The following NOX3 variants were observed in gnomAD, a reference collection of about 807,000 sequenced individuals.
NOX3 encodes NADPH oxidase catalytic subunit-like 3.
In NOX3, 74 loss-of-function variants were observed where a neutral mutation model predicts 76.7. The observed-to-expected ratio is 0.96, with a 90% CI of 0.80 to 1.17. NOX3 has a LOEUF of 1.17. NOX3 is among the 50% of genes most tolerant of loss of function. NOX3 has a pLI of 0.00. For synonymous variants in NOX3, 263 were observed against 261.1 expected (o/e 1.01, Z -0.07); for missense variants, 695 against 703.3 (o/e 0.99, Z 0.13).
chr6:155,425,362 C>A (rs950036119), intron 9 of NOX3, among the ~76,000 whole-genome samples: 1 of 152,104 alleles, frequency 6.6e-6, no homozygotes, highest in African/African-American at 2.4e-5. Flanking sequence ...GCTATCCCTG[C>A]CTTGATTTAG....
At chr6:155,418,929 A>G (rs1462324073) in intron 10 of NOX3, among the ~76,000 whole-genome samples, 1 of 152,262 alleles carries the variant, frequency 6.6e-6, no homozygotes, top group Non-Finnish European at 1.5e-5. Context: ...ATCGCAGTTA[A>G]CCATTTAAGC....
Position 155,436,406 on chromosome 6 carries a change from G to A in NOX3, c.798+12C>T. 1.9e-6 allele frequency: 3 copies of A among 1,613,814 alleles called. No homozygotes were observed. The highest frequency in any genetic ancestry group is 2.5e-6 in the Non-Finnish European group (3 of 1,179,828). ...GACATTTATTTTTAAAAGCTCCTGG[G>A]TTCATTCTTACCGAGGGTTCCTTGC... On this transcript the variant is annotated intron_variant, in intron 7 of 13. Transcript: ENST00000159060.
At chr6:155,425,966 C>T (rs1349873556) in intron 9 of NOX3, among the ~76,000 whole-genome samples, 1 of 152,204 alleles carries the variant, frequency 6.6e-6, no homozygotes, top group Non-Finnish European at 1.5e-5. Flanking sequence ...GGGCATCTCA[C>T]TCACAAATTC....
intron 13 of NOX3, among the ~76,000 whole-genome samples, 178 bp downstream of exon 13, chr6:155,396,631 A>G (rs959170281): frequency 6.6e-6 from 1 of 152,218 alleles, no homozygotes; most frequent in African/African-American, 2.4e-5. Context: ...ATATTATTGG[A>G]ACACAACTAT....
At chr6:155,434,922 C>T (rs1053405945) in intron 7 of NOX3, among the ~76,000 whole-genome samples, 3 of 152,184 alleles carry the variant, frequency 2.0e-5, no homozygotes, top group Admixed American at 2.0e-4. Flanking sequence ...ACCGTGAAAA[C>T]GCCCTGAGTT....
chr6:155,427,028 T>TGTGTGCGC (rs796489805), intron 9 of NOX3, among the ~76,000 whole-genome samples: 45 of 121,782 alleles, frequency 3.7e-4, no homozygotes, highest in African/African-American at 1.4e-3. Context: ...TGTGTGTGTG[T>TGTGTGCGC]GCTGGGGGGG....
At chr6:155,440,494 A>G (rs947967354) in intron 5 of NOX3, among the ~76,000 whole-genome samples, 1 of 152,030 alleles carries the variant, frequency 6.6e-6, no homozygotes, top group African/African-American at 2.4e-5. Context: ...AAAAAAAAAA[A>G]GCTGGGCATG....
intron 10 of NOX3, among the ~76,000 whole-genome samples, chr6:155,414,645 T>TTTTTGGGG (rs1776601401): frequency 7.9e-6 from 1 of 126,002 alleles, no homozygotes; most frequent in Non-Finnish European, 1.6e-5. Context: ...TTTTTTTTTT[T>TTTTTGGGG]GAGAGGGAGT....
chr6:155,451,711 G>T (rs543007023), intron 4 of NOX3, among the ~76,000 whole-genome samples: 21 of 151,464 alleles, frequency 1.4e-4, no homozygotes, highest in Admixed American at 7.2e-4. Context: ...TGCAACCTTC[G>T]CCTCCTGGGC....
chr6:155,410,413 T>C (rs1380132303), intron 11 of NOX3, among the ~76,000 whole-genome samples: 1 of 152,114 alleles, frequency 6.6e-6, no homozygotes, highest in Non-Finnish European at 1.5e-5. Context: ...CAAATACACT[T>C]TCCTTAAAAG....
chr6:155,441,284 C>T (rs916245815), intron 5 of NOX3, among the ~76,000 whole-genome samples: 2 of 123,970 alleles, frequency 1.6e-5, no homozygotes, highest in African/African-American at 7.7e-5. Flanking sequence ...GGAGGTAATT[C>T]GGACAGGGAC....
chr6:155,412,287 T>A (rs1397568674), intron 10 of NOX3, among the ~76,000 whole-genome samples: 1 of 152,014 alleles, frequency 6.6e-6, no homozygotes, highest in African/African-American at 2.4e-5. Flanking sequence ...AATGTTCTCT[T>A]CTCTCCCTCT....
intron 4 of NOX3, among the ~76,000 whole-genome samples, chr6:155,447,228 G>C (rs1005729146): frequency 6.6e-6 from 1 of 151,864 alleles, no homozygotes; most frequent in Non-Finnish European, 1.5e-5. Flanking sequence ...GTAGAGATGG[G>C]GTTTCATCAT....
Position 155,455,264 on chromosome 6 carries a change from T to G in NOX3, c.49-135A>C, listed in dbSNP as rs1172319786. The G allele has an allele frequency of 6.6e-6, 4 of 609,858 alleles. No individual in the cohort carries two copies. In the African/African-American group the frequency reaches 7.5e-5, roughly 11 times the overall value. The allele number at this position is 609,858 out of a possible 1,614,324, so 37.8% of individuals were successfully genotyped here. On this transcript the variant is annotated intron_variant, in intron 1 of 13. Transcript: ENST00000159060. ...AATCAGAATTACTCCACATATTTAT[T>G]TCTCATAGATTAGTTTTTAATAGGA...
At chr6:155,437,514 A>C (rs1776923784) in intron 6 of NOX3, among the ~76,000 whole-genome samples, 1 of 152,186 alleles carries the variant, frequency 6.6e-6, no homozygotes, top group South Asian at 2.1e-4. Flanking sequence ...TAGAACTGAC[A>C]TCTTGGCTTT....
intron 10 of NOX3, among the ~76,000 whole-genome samples, chr6:155,411,988 G>A (rs543807007): frequency 1.7e-4 from 26 of 152,090 alleles, no homozygotes; most frequent in South Asian, 2.1e-4. Context: ...TTTAACTCTC[G>A]GTATTAAGCA....
At chr6:155,427,764 A>T (rs951521730) in intron 9 of NOX3, among the ~76,000 whole-genome samples, 2 of 152,202 alleles carry the variant, frequency 1.3e-5, no homozygotes, top group Non-Finnish European at 2.9e-5. Context: ...TGTGCTTTGC[A>T]TGCTTTTGGG....
At chr6:155,432,255 A>C (rs549699787) in intron 7 of NOX3, among the ~76,000 whole-genome samples, 5 of 152,204 alleles carry the variant, frequency 3.3e-5, no homozygotes, top group African/African-American at 1.2e-4. Context: ...AAGAAGGAAA[A>C]TCCTGACATT....
chr6:155,431,413 AACACACACAC>A (rs61041630), intron 7 of NOX3, among the ~76,000 whole-genome samples: 14 of 144,732 alleles, frequency 9.7e-5, no homozygotes, highest in Admixed American at 2.1e-4. Context: ...TAAACACAGA[AACACACACAC>A]ACACACACAC....
Sources: allele counts gnomAD v4.1 joint callset (sites outside exome capture counted in the v4.1 genomes callset), GRCh38; gene constraint gnomAD v4.1.1; transcripts MANE v1.5; gene names NCBI Gene and HGNC (gene_info 2026-07-23, HGNC 2026-07-21).